The following ALPK2 variants were observed in gnomAD, a reference collection of about 807,000 sequenced individuals.
ALPK2 encodes the protein alpha-protein kinase 2.
Under a neutral mutation model 163.1 loss-of-function variants are expected in ALPK2, and 127 were observed. The ratio of observed to expected loss-of-function variants is 0.78; its 90% CI spans 0.67 to 0.90. The LOEUF is 0.90. ALPK2 is among the 40% of genes least tolerant of loss of function. ALPK2 has a pLI of 0.00. For synonymous variants in ALPK2, 953 were observed against 959.1 expected (o/e 0.99, Z 0.12); for missense variants, 2,360 against 2,589.6 (o/e 0.91, Z 1.92).
Position 58,579,525 on chromosome 18 carries a change from G to C in ALPK2, c.1251C>G (p.Val417=). The change falls in exon 4 of 13, where the codon GTC becomes GTG. Residue 417 remains valine, a synonymous_variant. Transcript: ENST00000361673. Reference sequence around the variant, plus strand: ...GTGGGGATGAGGGACCGTGCTTGGAGACTCTGCTGCTCCTCACCCCAACTT... The same window carrying C: ...GTGGGGATGAGGGACCGTGCTTGGACACTCTGCTGCTCCTCACCCCAACTT... The part of the protein sequence containing the change: ...PQEVGVRSSR[V]SKHGPSSPQT... 7 of 1,613,812 alleles carry C rather than the reference G, an allele frequency of 4.3e-6. No individual in the cohort carries two copies. The highest frequency in any genetic ancestry group is 5.1e-6 in the Non-Finnish European group (6 of 1,180,002).
chr18:58,547,244 G>T (rs1416151184), intron 4 of ALPK2, among the ~76,000 whole-genome samples: 1 of 152,192 alleles, frequency 6.6e-6, no homozygotes, highest in African/African-American at 2.4e-5. Context: ...GGACTCCTAT[G>T]GCTTCTAGAT....
intron 12 of ALPK2, among the ~76,000 whole-genome samples, chr18:58,487,087 G>A (rs886183027): frequency 1.2e-4 from 18 of 152,156 alleles, no homozygotes; most frequent in African/African-American, 4.3e-4. Flanking sequence ...GGGTTGAGTA[G>A]CATCCTTGCC....
At chr18:58,625,767 G>A (rs372075536) in intron 1 of ALPK2, among the ~76,000 whole-genome samples, 2 of 152,220 alleles carry the variant, frequency 1.3e-5, no homozygotes, top group Admixed American at 6.5e-5. Flanking sequence ...GGAAGGGCTG[G>A]CCCTTGAGAG....
At position 58,481,941 on chromosome 18, in the gene ALPK2, GA is replaced by G; in HGVS notation, c.6394del (p.Ser2132ProfsTer24). ...NKYCKMLGLKSLQNNNQKQKQ... is the reference protein window; with the variant it reads ...NKYCKMLGLKXLQNNNQKQKQ... Reference sequence around the variant, plus strand: ...CTGTTTCTGGTTGTTGTTTTGAAGGGATTTCAGTCCCAGCATTTTGCAATAC... The same window carrying G: ...CTGTTTCTGGTTGTTGTTTTGAAGGGTTTCAGTCCCAGCATTTTGCAATAC... On this transcript the variant is annotated frameshift_variant, in exon 13 of 13. Coordinates refer to ENST00000361673, the MANE Select transcript of ALPK2 (RefSeq NM_052947.4). LOFTEE classifies it low-confidence loss of function (END_TRUNC). 1 of 1,614,114 alleles carries G rather than the reference GA, an allele frequency of 6.2e-7. No homozygotes were observed. The highest frequency in any genetic ancestry group is 8.5e-7 in the Non-Finnish European group (1 of 1,180,008).
Position 58,578,972 on chromosome 18 carries a change from A to C in ALPK2, c.1804T>G (p.Cys602Gly). The change falls in exon 4 of 13, where the codon TGT (cysteine) becomes GGT (glycine). Residue 602 changes from cysteine to glycine, a missense_variant. By Grantham distance (159) the Cys-to-Gly change is radical. Transcript: ENST00000361673. ...GRSSHADARE[C>G]AISTQAEQEA... ...TGCTCTGCCTGGGTTGAAATAGCAC[A>C]TTCTCTTGCATCAGCATGGGAACTC... The C allele has an allele frequency of 6.2e-7, 1 of 1,614,172 alleles. No homozygotes were observed. Among genetic ancestry groups the C allele is most frequent in the East Asian group, 2.2e-5 (1 of 44,882 alleles).
At chr18:58,498,720 T>C (rs1206451656) in intron 11 of ALPK2, among the ~76,000 whole-genome samples, 14 of 152,212 alleles carry the variant, frequency 9.2e-5, no homozygotes, top group Admixed American at 9.2e-4. Context: ...TCAGGAGATT[T>C]GATGATTTCA....
At chr18:58,492,277 C>A (rs533671298) in intron 12 of ALPK2, among the ~76,000 whole-genome samples, 3 of 152,114 alleles carry the variant, frequency 2.0e-5, no homozygotes, top group African/African-American at 7.2e-5. Flanking sequence ...CGCACACAGA[C>A]ATATATACGC....
Position 58,535,181 on chromosome 18 carries a change from A to C in ALPK2, c.5006T>G (p.Leu1669Arg), listed in dbSNP as rs748204853. The change falls in exon 5 of 13, where the codon CTG becomes CGG. Residue 1669 changes from leucine to arginine, a missense_variant. Coordinates refer to ENST00000361673, the MANE Select transcript of ALPK2 (RefSeq NM_052947.4). ...GGTGCCCTTTTGACATGGATCCTGC[A>C]GTAATTTAGGGGCTTTCTCTAACTC... ...ERELEKAPKLLQDPCQKGTLG... is the reference protein window; with the variant it reads ...ERELEKAPKLRQDPCQKGTLG... 5.6e-6 allele frequency: 9 copies of C among 1,613,946 alleles called. No homozygotes were observed. The African/African-American group carries it at 1.2e-4, about 22-fold the overall frequency.
At chr18:58,558,852 A>T (rs1215194403) in intron 4 of ALPK2, among the ~76,000 whole-genome samples, 4 of 152,268 alleles carry the variant, frequency 2.6e-5, no homozygotes. Context: ...GATTACGTTT[A>T]TACAAAATGT....
intron 4 of ALPK2, among the ~76,000 whole-genome samples, chr18:58,560,344 T>G (rs1396368539): frequency 6.6e-6 from 1 of 152,232 alleles, no homozygotes; most frequent in Non-Finnish European, 1.5e-5. Flanking sequence ...ATGTATCCAT[T>G]AAACCTCTTT....
intron 3 of ALPK2, among the ~76,000 whole-genome samples, chr18:58,601,522 G>C (rs1191877951): frequency 6.6e-6 from 1 of 152,182 alleles, no homozygotes; most frequent in Non-Finnish European, 1.5e-5. Context: ...GAGAATGTGA[G>C]AGAAATGATA....
intron 4 of ALPK2, among the ~76,000 whole-genome samples, chr18:58,548,465 C>T (rs753118000): frequency 1.2e-4 from 18 of 152,110 alleles, no homozygotes; most frequent in East Asian, 3.9e-4. Flanking sequence ...GACTTACAAG[C>T]GAGTGCCACC....
At chr18:58,573,427 GAGAC>G (rs1396869054) in intron 4 of ALPK2, among the ~76,000 whole-genome samples, 1 of 137,798 alleles carries the variant, frequency 7.3e-6, no homozygotes, top group African/African-American at 2.7e-5. Flanking sequence ...TTTTTTTTCA[GAGAC>G]AGGGTCTTGC....
At chr18:58,511,007 A>G (rs1336117013) in intron 10 of ALPK2, among the ~76,000 whole-genome samples, 1 of 152,170 alleles carries the variant, frequency 6.6e-6, no homozygotes, top group African/African-American at 2.4e-5. Flanking sequence ...ATTCAGTATG[A>G]TATTGGCTGT....
rs748675838 is a variant in ALPK2, at chr18:58,516,941, C to T, written c.5907G>A (p.Glu1969=). The T allele has an allele frequency of 1.2e-6, 2 of 1,614,134 alleles. No homozygotes were observed. Among genetic ancestry groups the T allele is most frequent in the Non-Finnish European group, 1.7e-6 (2 of 1,180,000 alleles). Reference sequence around the variant, plus strand: ...CGAGTTTGTAGTTCCTTTGGATGAGCTCATCATTATTTCTGGTCCCATAGG... The same window carrying T: ...CGAGTTTGTAGTTCCTTTGGATGAGTTCATCATTATTTCTGGTCCCATAGG... The part of the protein sequence containing the change: ...AIAYGTRNND[E]LIQRNYKLAA... Residue 1969 remains glutamate (E), a synonymous_variant, in exon 9 of 13, where the codon GAG becomes GAA. Coordinates refer to ENST00000361673, the MANE Select transcript of ALPK2 (RefSeq NM_052947.4).
At chr18:58,583,042 G>T (rs568468914) in intron 3 of ALPK2, among the ~76,000 whole-genome samples, 2 of 152,142 alleles carry the variant, frequency 1.3e-5, no homozygotes, top group East Asian at 1.9e-4. Context: ...CTCCTGAATC[G>T]GGAAAAGACC....
intron 1 of ALPK2, among the ~76,000 whole-genome samples, chr18:58,614,862 A>G (rs916670460): frequency 1.4e-4 from 21 of 152,224 alleles, no homozygotes; most frequent in Admixed American, 1.4e-3. Context: ...TCATTACTCT[A>G]GAGAATCCCT....
intron 8 of ALPK2, 69 bp downstream of exon 8, chr18:58,523,737 C>T (rs2051568429): frequency 1.9e-6 from 3 of 1,593,916 alleles, no homozygotes; most frequent in Middle Eastern, 3.3e-4. Flanking sequence ...TCTACTCTTT[C>T]CTCTGGGAGC....
chr18:58,585,873 G>A (rs1285398200), intron 3 of ALPK2, among the ~76,000 whole-genome samples: 5 of 151,940 alleles, frequency 3.3e-5, no homozygotes, highest in African/African-American at 1.2e-4. Flanking sequence ...TAGTAGAGAC[G>A]GGATTTCACC....
Sources: gnomAD v4.1 joint callset for allele counts (sites outside exome capture counted in the v4.1 genomes callset) on GRCh38, gnomAD v4.1.1 for gene constraint, MANE v1.5 for transcripts, NCBI Gene and HGNC (gene_info 2026-07-23, HGNC 2026-07-21) for gene names.